The following TBC1D1 variants were observed in gnomAD, a reference collection of about 807,000 sequenced individuals.
The protein encoded by TBC1D1 is TBC1 (tre-2/USP6, BUB2, cdc16) domain family, member 1.
Under a neutral mutation model 125.6 loss-of-function variants are expected in TBC1D1, and 89 were observed. That is an observed-to-expected ratio of 0.71 (90% CI 0.60 to 0.85). The LOEUF (loss-of-function observed/expected upper bound fraction) is 0.85, where lower values mean the gene tolerates loss of function less well. Ranked by LOEUF, TBC1D1 falls within the 40% of genes least tolerant of loss-of-function variation. The pLI is 0.00. For missense variants in TBC1D1, 1,377 were observed against 1,469.2 expected (o/e 0.94, Z 1.03); for synonymous variants, 565 against 564.1 (o/e 1.00, Z -0.02).
At chr4:37,941,796 A>G (rs564588038) in intron 2 of TBC1D1, among the ~76,000 whole-genome samples, 8 of 152,354 alleles carry the variant, frequency 5.3e-5, no homozygotes, top group African/African-American at 1.9e-4. Flanking sequence ...GTAGTCATTC[A>G]GGAGCAAGTT....
chr4:37,971,827 G>C (rs1427080229), intron 2 of TBC1D1, among the ~76,000 whole-genome samples: 16 of 152,198 alleles, frequency 1.1e-4, no homozygotes, highest in Non-Finnish European at 1.8e-4. Flanking sequence ...AATGACCTCT[G>C]TGGCTGAATT....
chr4:38,103,262 ATC>A, intron 15 of TBC1D1, 105 bp downstream of exon 17: 1 of 1,207,636 alleles, frequency 8.3e-7, no homozygotes, highest in Non-Finnish European at 1.1e-6. Flanking sequence ...AGGTTTAGCA[ATC>A]AAAATTTACT....
At chr4:37,967,260 C>T (rs976622220) in intron 2 of TBC1D1, among the ~76,000 whole-genome samples, 4 of 152,048 alleles carry the variant, frequency 2.6e-5, no homozygotes, top group South Asian at 2.1e-4. Flanking sequence ...TTTGGGAGGG[C>T]GAGGCGGGTG....
chr4:38,039,856 G>A (rs1192369970), intron 8 of TBC1D1, among the ~76,000 whole-genome samples: 3 of 152,158 alleles, frequency 2.0e-5, no homozygotes, highest in African/African-American at 7.2e-5. Flanking sequence ...GCTCACGCCT[G>A]TAATCCTAGC....
intron 6 of TBC1D1, 47 bp downstream of exon 6, chr4:38,021,765 TC>T (rs1744091561): frequency 1.4e-6 from 2 of 1,453,114 alleles, no homozygotes; most frequent in Non-Finnish European, 1.8e-6. Context: ...GAGTTAAAGG[TC>T]CCAGGAGAAC....
intron 2 of TBC1D1, among the ~76,000 whole-genome samples, chr4:37,998,737 T>TG: frequency 6.6e-6 from 1 of 152,306 alleles, no homozygotes; most frequent in Middle Eastern, 3.4e-3. Flanking sequence ...TTCAGAGTGT[T>TG]GGTGTGAGGA....
At chr4:37,943,087 A>T (rs1365722594) in intron 2 of TBC1D1, among the ~76,000 whole-genome samples, 4 of 152,086 alleles carry the variant, frequency 2.6e-5, no homozygotes, top group Non-Finnish European at 4.4e-5. Context: ...TTTCTCCTTC[A>T]CTTATGAAGC....
rs1765887487 is a variant in TBC1D1, at chr4:38,133,166, C to G, written c.3215C>G (p.Ser1072Cys). ...CTTCAAGAAGAACTTATCGATTCCTCTCCTCTCAGTGACAACCAAAGAATG... is the reference window on the plus strand; with the variant it reads ...CTTCAAGAAGAACTTATCGATTCCTGTCCTCTCAGTGACAACCAAAGAATG... Residue 1072 changes from serine to cysteine, a missense_variant, in exon 19 of 20, where the codon TCT (serine) becomes TGT (cysteine). Around this residue, in one of 3 missense-constraint regions of TBC1D1, gnomAD observed 543 missense variants for 613.5 expected, o/e 0.89. Transcript: ENST00000261439. The G allele has an allele frequency of 2.5e-6, 4 of 1,614,174 alleles. No individual in the cohort carries two copies. The East Asian group carries it at 8.9e-5, about 36-fold the overall frequency.
chr4:37,979,581 A>G (rs1407787061), intron 2 of TBC1D1, among the ~76,000 whole-genome samples: 1 of 152,234 alleles, frequency 6.6e-6, no homozygotes, highest in Non-Finnish European at 1.5e-5. Context: ...GTTATATTTG[A>G]CTTCAGAATG....
chr4:37,972,516 G>T (rs1732247034), intron 2 of TBC1D1, among the ~76,000 whole-genome samples: 1 of 150,078 alleles, frequency 6.7e-6, no homozygotes, highest in African/African-American at 2.4e-5. Flanking sequence ...CTGATGCCCA[G>T]TATACGTACA....
intron 2 of TBC1D1, among the ~76,000 whole-genome samples, chr4:38,001,582 C>G (rs1739096793): frequency 1.3e-5 from 2 of 152,092 alleles, no homozygotes. Context: ...TATCTAGGAC[C>G]CAAAAAGAGT....
chr4:37,983,141 T>C (rs201810770), intron 2 of TBC1D1, among the ~76,000 whole-genome samples: 19 of 122,760 alleles, frequency 1.5e-4, no homozygotes, highest in East Asian at 3.1e-4. Context: ...TTTTTTTTTT[T>C]CAGACGGAGT....
At chr4:37,944,253 G>A (rs185797574) in intron 2 of TBC1D1, among the ~76,000 whole-genome samples, 26 of 152,292 alleles carry the variant, frequency 1.7e-4, no homozygotes, top group Middle Eastern at 3.4e-3. Flanking sequence ...CTACTGGGGG[G>A]TGCCTCCCAG....
intron 2 of TBC1D1, among the ~76,000 whole-genome samples, chr4:37,992,957 A>G (rs990598626): frequency 6.6e-6 from 1 of 151,506 alleles, no homozygotes; most frequent in Non-Finnish European, 1.5e-5. Context: ...GGCGTGTGTC[A>G]TCATGCCCAG....
chr4:38,042,318 G>A (rs957898616), intron 8 of TBC1D1, among the ~76,000 whole-genome samples: 2 of 151,930 alleles, frequency 1.3e-5, no homozygotes, highest in African/African-American at 2.4e-5. Flanking sequence ...GCGGTGGTGC[G>A]ATGTCAGCTC....
At chr4:37,915,995 T>C (rs1719653749) in intron 2 of TBC1D1, among the ~76,000 whole-genome samples, 1 of 152,360 alleles carries the variant, frequency 6.6e-6, no homozygotes, top group East Asian at 1.9e-4. Flanking sequence ...CAGCCTTTAC[T>C]GTTGAGAAAA....
At chr4:38,051,667 C>T (rs556535105) in intron 11 of TBC1D1, among the ~76,000 whole-genome samples, 1 of 151,930 alleles carries the variant, frequency 6.6e-6, no homozygotes, top group Non-Finnish European at 1.5e-5. Context: ...AGCATAAACA[C>T]GTGGGAAATG....
At chr4:38,017,133 A>G (rs977452841) in intron 3 of TBC1D1, among the ~76,000 whole-genome samples, 4 of 152,200 alleles carry the variant, frequency 2.6e-5, no homozygotes, top group Admixed American at 1.3e-4. Flanking sequence ...AGCCATAGCT[A>G]AGTAATAATG....
At chr4:37,974,594 GT>G (rs1560553690) in intron 2 of TBC1D1, among the ~76,000 whole-genome samples, 1 of 151,208 alleles carries the variant, frequency 6.6e-6, no homozygotes. Context: ...GTCTCACTCT[GT>G]CCCCCAGGCT....
Sources: gnomAD v4.1 joint callset for allele counts (sites outside exome capture counted in the v4.1 genomes callset) on GRCh38, gnomAD v4.1.1 for gene constraint, gnomAD v4.1.1 regional missense constraint, MANE v1.5 for transcripts, NCBI Gene and HGNC (gene_info 2026-07-23, HGNC 2026-07-21) for gene names.